PLXNA4: variants seen among roughly 807,000 people sequenced by gnomAD.
PLXNA4 encodes the protein plexin A4.
In PLXNA4, 44 loss-of-function variants were observed where a neutral mutation model predicts 191.8. The observed-to-expected ratio is 0.23, with a 90% CI of 0.18 to 0.29. The LOEUF is 0.29. PLXNA4 is among the 10% of genes least tolerant of loss of function. The pLI is 1.00. For synonymous variants in PLXNA4, 1,082 were observed against 1,009.5 expected (o/e 1.07, Z -1.36); for missense variants, 1,800 against 2,488.8 (o/e 0.72, Z 5.89).
chr7:132,337,114 C>T (rs76285290), intron 3 of PLXNA4, among the ~76,000 whole-genome samples: 2,123 of 152,296 alleles, frequency 0.014, 66 homozygotes, highest in African/African-American at 0.048. Flanking sequence ...GCAATGTGTC[C>T]GCAGGGCAAA....
At chr7:132,269,743 G>A (rs991696256) in intron 4 of PLXNA4, among the ~76,000 whole-genome samples, 7 of 151,868 alleles carry the variant, frequency 4.6e-5, no homozygotes, top group African/African-American at 1.7e-4. Context: ...TCTTTTTCTG[G>A]GAATGTGGCT....
At chr7:132,227,701 A>C in intron 6 of PLXNA4, 97 bp from the exon 7 acceptor site, 2 of 1,485,722 alleles carry the variant, frequency 1.3e-6, no homozygotes, top group Non-Finnish European at 1.8e-6. Flanking sequence ...GAGAGAGATC[A>C]CAGGGAAAGC....
At chr7:132,405,975 G>A (rs1339747010) in intron 3 of PLXNA4, among the ~76,000 whole-genome samples, 2 of 152,132 alleles carry the variant, frequency 1.3e-5, no homozygotes, top group Non-Finnish European at 2.9e-5. Context: ...AAAGCCATAC[G>A]ATGAGTTTGT....
At chr7:132,207,331 G>A (rs1351182451) in intron 10 of PLXNA4, among the ~76,000 whole-genome samples, 1 of 152,256 alleles carries the variant, frequency 6.6e-6, no homozygotes, top group Non-Finnish European at 1.5e-5. Flanking sequence ...CGCGGAAGCT[G>A]GGCCTGGCCC....
chr7:132,332,030 C>T (rs1439719188), intron 3 of PLXNA4, among the ~76,000 whole-genome samples: 1 of 152,190 alleles, frequency 6.6e-6, no homozygotes, highest in Non-Finnish European at 1.5e-5. Flanking sequence ...AATGCAAGCT[C>T]TGAATACACG....
At position 132,564,093 on chromosome 7, in the gene PLXNA4, C is replaced by T. The variant is rs528443019; in HGVS notation, c.-87+12329G>A. 3.4e-4 allele frequency among the ~76,000 whole-genome samples: 41 copies of T among 120,614 alleles called. 6 individuals are homozygous for T. The highest frequency in any genetic ancestry group is 1.3e-3 in the African/African-American group (39 of 30,790). The allele number at this position is 120,614 out of a possible 152,430, so 79.1% of individuals were successfully genotyped here. ...TTCTCCTCCTCCTCCTTCTCTTCCT[C>T]CTCCTCCTCCTCCTTCTCCTCCTCC... On this transcript the variant is annotated intron_variant, in intron 1 of 31. Transcript: ENST00000321063.
chr7:132,217,579 G>C (rs777604060), intron 9 of PLXNA4, among the ~76,000 whole-genome samples: 1 of 152,080 alleles, frequency 6.6e-6, no homozygotes, highest in Non-Finnish European at 1.5e-5. Flanking sequence ...CCAAAGACAA[G>C]CCAGCCCTAA....
intron 3 of PLXNA4, among the ~76,000 whole-genome samples, chr7:132,395,369 C>A (rs1409112261): frequency 6.6e-6 from 1 of 152,188 alleles, no homozygotes; most frequent in East Asian, 1.9e-4. Context: ...TAAGCACTTT[C>A]TTTAGAGTCT....
At position 132,226,125 on chromosome 7, in the gene PLXNA4, C is replaced by T. The variant is rs1438846547; in HGVS notation, c.1982+36G>A. 3 of 1,572,876 alleles carry T rather than the reference C, an allele frequency of 1.9e-6. No individual in the cohort carries two copies. In the African/African-American group the frequency reaches 4.1e-5, roughly 21 times the overall value. On this transcript the variant is annotated intron_variant, in intron 8 of 31. Coordinates refer to ENST00000321063, the MANE Select transcript of PLXNA4 (RefSeq NM_020911.2). Reference sequence around the variant, plus strand: ...CTGATCTTTGGATGAAACTTGACCCCAGGAACGGGAAGTGGGTAAGGCTGG... The same window carrying T: ...CTGATCTTTGGATGAAACTTGACCCTAGGAACGGGAAGTGGGTAAGGCTGG...
intron 24 of PLXNA4, among the ~76,000 whole-genome samples, chr7:132,160,715 C>G (rs995844591): frequency 1.3e-5 from 2 of 152,186 alleles, no homozygotes; most frequent in Admixed American, 6.5e-5. Context: ...CTCTCCTTCT[C>G]GGAACTTTCA....
intron 3 of PLXNA4, among the ~76,000 whole-genome samples, chr7:132,409,802 C>T (rs1334268110): frequency 1.3e-5 from 2 of 152,152 alleles, no homozygotes; most frequent in Admixed American, 1.3e-4. Flanking sequence ...GGTAAATTAC[C>T]GTCACCTGCG....
chr7:132,631,226 T>C (rs1803484893), intron 2 of PLXNA4, among the ~76,000 whole-genome samples: 3 of 152,232 alleles, frequency 2.0e-5, no homozygotes, highest in Admixed American at 6.5e-5. Context: ...CTTTACTTTC[T>C]TTCTTCAATC....
At chr7:132,143,117 G>A (rs982785052) in intron 29 of PLXNA4, among the ~76,000 whole-genome samples, 4 of 151,988 alleles carry the variant, frequency 2.6e-5, no homozygotes, top group Non-Finnish European at 5.9e-5. Flanking sequence ...GGGGTGGGGA[G>A]AGGGTGGGTT....
chr7:132,629,936 A>AC (rs1803458881), intron 2 of PLXNA4, among the ~76,000 whole-genome samples: 1 of 151,008 alleles, frequency 6.6e-6, no homozygotes, highest in Non-Finnish European at 1.5e-5. Flanking sequence ...TGCAAGCTCC[A>AC]CCTCCCGAGT....
intron 3 of PLXNA4, among the ~76,000 whole-genome samples, chr7:132,474,648 G>A (rs547524587): frequency 2.0e-5 from 3 of 151,296 alleles, no homozygotes; most frequent in Admixed American, 6.6e-5. Context: ...GCGCGCGCAC[G>A]CACACACACA....
At chr7:132,323,062 G>A (rs1802234506) in intron 3 of PLXNA4, among the ~76,000 whole-genome samples, 1 of 152,184 alleles carries the variant, frequency 6.6e-6, no homozygotes, top group Admixed American at 6.5e-5. Flanking sequence ...GTGACATAAT[G>A]GAAATTCACA....
At chr7:132,270,932 C>A (rs184435915) in intron 4 of PLXNA4, among the ~76,000 whole-genome samples, 237 of 152,286 alleles carry the variant, frequency 1.6e-3, no homozygotes, top group Non-Finnish European at 2.9e-3. Flanking sequence ...ATGAGTAGTA[C>A]TCACTTACAT....
chr7:132,626,508 C>G (rs1447640828), intron 2 of PLXNA4, among the ~76,000 whole-genome samples: 1 of 152,082 alleles, frequency 6.6e-6, no homozygotes, highest in Non-Finnish European at 1.5e-5. Context: ...TTGGTGCTGT[C>G]CTTGTGATCA....
At chr7:132,312,931 CAT>C (rs1184023871) in intron 3 of PLXNA4, among the ~76,000 whole-genome samples, 1 of 152,210 alleles carries the variant, frequency 6.6e-6, no homozygotes, top group Non-Finnish European at 1.5e-5. Context: ...TCTGGCAACT[CAT>C]GTTGCACAGC....
Sources: allele counts gnomAD v4.1 joint callset (sites outside exome capture counted in the v4.1 genomes callset), GRCh38; gene constraint gnomAD v4.1.1; transcripts MANE v1.5; gene names NCBI Gene and HGNC (gene_info 2026-07-23, HGNC 2026-07-21).